PALMD: variants seen among roughly 807,000 people sequenced by gnomAD.
PALMD encodes paralemmin-like protein.
PALMD carries 42 observed loss-of-function variants against 56.2 expected under a neutral mutation model. The ratio of observed to expected loss-of-function variants is 0.75; its 90% CI spans 0.58 to 0.97. The LOEUF (loss-of-function observed/expected upper bound fraction) is 0.97. Ranked by LOEUF, PALMD falls within the 50% of genes least tolerant of loss-of-function variation. The pLI is 0.00. For missense variants in PALMD, 660 were observed against 643.8 expected, an observed-to-expected ratio of 1.03 and a Z score of -0.27; for synonymous variants, 242 against 222.9, an observed-to-expected ratio of 1.09 and a Z score of -0.76.
chr1:99,676,153 CTT>C (rs1274134976), intron 3 of PALMD, among the ~76,000 whole-genome samples: 1 of 152,180 alleles, frequency 6.6e-6, no homozygotes, highest in Non-Finnish European at 1.5e-5. Flanking sequence ...TTGTGGCAAA[CTT>C]AGTGTTTGCT....
At chr1:99,678,089 G>A (rs144982086) in intron 3 of PALMD, among the ~76,000 whole-genome samples, 12 of 151,464 alleles carry the variant, frequency 7.9e-5, no homozygotes, top group African/African-American at 2.9e-4. Flanking sequence ...AACTAAGAAG[G>A]AGAAAAGTGT....
At chr1:99,655,391 T>G (rs996631741) in intron 1 of PALMD, among the ~76,000 whole-genome samples, 1 of 152,122 alleles carries the variant, frequency 6.6e-6, no homozygotes, top group African/African-American at 2.4e-5. Flanking sequence ...CAATAAAAAA[T>G]AGTGTGAGTT....
At chr1:99,692,969 C>T (rs1557676957) in intron 7 of PALMD, among the ~76,000 whole-genome samples, 1 of 152,282 alleles carries the variant, frequency 6.6e-6, no homozygotes, top group East Asian at 1.9e-4. Flanking sequence ...TCTTTAGCTT[C>T]ATTGAAATTA....
chr1:99,676,402 T>G (rs936122858), intron 3 of PALMD, among the ~76,000 whole-genome samples: 6 of 152,140 alleles, frequency 3.9e-5, no homozygotes, highest in Admixed American at 2.0e-4. Context: ...TTTTAAAAAT[T>G]TTTGTAGATG....
At chr1:99,682,956 A>C (rs1055348255) in intron 3 of PALMD, among the ~76,000 whole-genome samples, 3 of 150,866 alleles carry the variant, frequency 2.0e-5, no homozygotes, top group Non-Finnish European at 4.4e-5. Flanking sequence ...CAGTGAGCCG[A>C]GATTGCACCA....
chr1:99,685,481 A>G (rs1890409), intron 3 of PALMD: 12,171 of 152,258 alleles, frequency 0.08, 1,038 homozygotes, highest in African/African-American at 0.22. Flanking sequence ...TCTGTGGCAT[A>G]CAAGAAAACC....
chr1:99,667,855 G>T, intron 3 of PALMD, 89 bp downstream of exon 3: 1 of 1,197,188 alleles, frequency 8.4e-7, no homozygotes, highest in Admixed American at 2.2e-5. Flanking sequence ...ACTTTCAGGG[G>T]CATAATCAAA....
chr1:99,646,556 A>G (rs1042682830), intron 1 of PALMD, among the ~76,000 whole-genome samples, 194 bp downstream of exon 1: 1 of 152,224 alleles, frequency 6.6e-6, no homozygotes, highest in Non-Finnish European at 1.5e-5. Flanking sequence ...GTGCAGGGCA[A>G]ACGTTCTTGA....
rs374387839 is a variant in PALMD, at chr1:99,689,322, G to A, written c.1062G>A (p.Ser354=). ...GGCTAATGACTCCTTGGGAAGAATC[G>A]AATGTCATGCAGGACAAAGATGCAC... ...QKRLMTPWEE[S]NVMQDKDAPS... Residue 354 remains serine, a synonymous_variant, in exon 7 of 8, where the codon TCG becomes TCA. Coordinates refer to ENST00000263174, the MANE Select transcript of PALMD (RefSeq NM_017734.5). 114 of 1,613,462 alleles carry A rather than the reference G, an allele frequency of 7.1e-5. No individual in the cohort carries two copies. The highest frequency in any genetic ancestry group is 9.2e-5 in the Non-Finnish European group (108 of 1,179,826).
rs11802904 is a variant in PALMD at position 99,689,076 on chromosome 1, A to T, written c.816A>T (p.Pro272=). The T allele has an allele frequency of 9.1e-4, 1,465 of 1,613,586 alleles. 10 individuals are homozygous for T. The African/African-American group carries it at 0.017, about 19-fold the overall frequency. Residue 272 remains proline, a synonymous_variant, in exon 7 of 8, where the codon CCA becomes CCT. Transcript: ENST00000263174. ...YANPFYRPTT[P]QRETVTPGPN... ...ATCCCTTTTACAGGCCTACAACCCC[A>T]CAGAGAGAAACGGTGACCCCTGGAC... is the stretch of plus-strand genomic sequence containing the variant.
At chr1:99,667,108 A>G (rs1416759066) in intron 2 of PALMD, among the ~76,000 whole-genome samples, 3 of 152,196 alleles carry the variant, frequency 2.0e-5, no homozygotes, top group African/African-American at 7.2e-5. Flanking sequence ...TTTAAGTTAC[A>G]ACAGCAACCT....
intron 2 of PALMD, among the ~76,000 whole-genome samples, chr1:99,667,371 A>G (rs539019450): frequency 7.2e-5 from 11 of 152,262 alleles, no homozygotes; most frequent in African/African-American, 2.6e-4. Context: ...GGCTGCCAGG[A>G]GTATGGGGGC....
rs1267943429 is a variant in PALMD at position 99,689,361 on chromosome 1, A to G, written c.1101A>G (p.Pro367=). 6.2e-7 allele frequency: 1 copy of G among 1,613,800 alleles called. No individual in the cohort carries two copies. Residue 367 remains proline (P), a synonymous_variant, in exon 7 of 8, where the codon CCA becomes CCG. Transcript: ENST00000263174. ...MQDKDAPSPK[P]RLSPRETIFG... Reference sequence around the variant, plus strand: ...ACAAAGATGCACCCTCTCCAAAGCCAAGGCTGAGCCCCAGAGAGACAATAT... The same window carrying G: ...ACAAAGATGCACCCTCTCCAAAGCCGAGGCTGAGCCCCAGAGAGACAATAT...
chr1:99,690,608 T>C (rs1653634097), intron 7 of PALMD, among the ~76,000 whole-genome samples: 1 of 152,156 alleles, frequency 6.6e-6, no homozygotes, highest in Non-Finnish European at 1.5e-5. Flanking sequence ...AGTGATAGCT[T>C]CTCAATTTTA....
At chr1:99,662,453 G>T in intron 2 of PALMD, 54 bp downstream of exon 2, 2 of 1,034,878 alleles carry the variant, frequency 1.9e-6, no homozygotes, top group Admixed American at 2.2e-5. Flanking sequence ...AAATTCTATT[G>T]GTACTCAAAT....
chr1:99,683,082 GAGAGAGAGAAAGAAAGAA>G (rs1289134442), intron 3 of PALMD, among the ~76,000 whole-genome samples: 322 of 19,802 alleles, frequency 0.016, 4 homozygotes, highest in Non-Finnish European at 0.019. Flanking sequence ...GAGAGAGAGA[GAGAGAGAGAAAGAAAGAA>G]AGAAAGAAAG....
chr1:99,673,480 GA>G (rs201212397), intron 3 of PALMD, among the ~76,000 whole-genome samples: 7 of 149,012 alleles, frequency 4.7e-5, no homozygotes, highest in African/African-American at 1.7e-4. Context: ...GACAACATAA[GA>G]AAAAAAAAGA....
intron 1 of PALMD, among the ~76,000 whole-genome samples, chr1:99,650,798 C>T (rs1340415274): frequency 2.0e-5 from 3 of 152,202 alleles, no homozygotes; most frequent in Non-Finnish European, 2.9e-5. Flanking sequence ...GTCAGCCCTG[C>T]TTCTGTATTC....
chr1:99,657,143 T>C (rs1652744197), intron 1 of PALMD, among the ~76,000 whole-genome samples: 1 of 152,292 alleles, frequency 6.6e-6, no homozygotes, highest in Non-Finnish European at 1.5e-5. Flanking sequence ...CATGCTCTCA[T>C]CTATCCCTTT....
Sources: allele counts gnomAD v4.1 joint callset (sites outside exome capture counted in the v4.1 genomes callset), GRCh38; gene constraint gnomAD v4.1.1; transcripts MANE v1.5; gene names NCBI Gene and HGNC (gene_info 2026-07-23, HGNC 2026-07-21).